FBXO34: variants seen among roughly 807,000 people sequenced by gnomAD.
FBXO34 encodes F-box only protein 34.
FBXO34 carries 12 observed loss-of-function variants against 24.5 expected under a neutral mutation model. That is an observed-to-expected ratio of 0.49 (90% confidence interval 0.31 to 0.79). The LOEUF (loss-of-function observed/expected upper bound fraction) is 0.79. Ranked by LOEUF, FBXO34 falls within the 30% of genes least tolerant of loss-of-function variation. The pLI, the probability that FBXO34 is intolerant of heterozygous loss-of-function variation, is 0.04. For missense variants in FBXO34, 823 were observed against 857.7 expected, an observed-to-expected ratio of 0.96 and a Z score of 0.51; for synonymous variants, 320 against 311.9, an observed-to-expected ratio of 1.03 and a Z score of -0.27.
At chr14:55,280,609 C>G in intron 1 of FBXO34, among the ~76,000 whole-genome samples, 1 of 148,170 alleles carries the variant, frequency 6.7e-6, no homozygotes, top group East Asian at 2.0e-4. Flanking sequence ...TCACTGCAAG[C>G]TCCGCCTCCC....
At position 55,351,444 on chromosome 14, in the gene FBXO34, C is replaced by T. The variant is rs74050979; in HGVS notation, c.1054C>T (p.Pro352Ser). Residue 352 changes from proline (P) to serine (S), a missense_variant, in exon 2 of 2, where the codon CCT (proline) becomes TCT (serine). Physicochemically the swap from Pro to Ser is moderately conservative, Grantham distance 74 (BLOSUM62 -1). This residue lies in a region of FBXO34 where 693 missense variants were observed against 659.1 expected (regional missense o/e 1.05). Transcript: ENST00000313833. ...PVGSVSVDCG[P>S]SRADRCSPKE... ...GGGGTCTGTATCTGTGGATTGTGGC[C>T]CTTCAAGAGCTGATCGTTGTTCTCC... The T allele has an allele frequency of 2.8e-3, 4,522 of 1,614,112 alleles. 126 individuals are homozygous for T. The African/African-American group carries it at 0.054, about 19-fold the overall frequency.
downstream of FBXO34, among the ~76,000 whole-genome samples, chr14:55,364,063 G>A (rs1884629550): frequency 6.6e-6 from 1 of 151,814 alleles, no homozygotes; most frequent in South Asian, 2.1e-4. Flanking sequence ...CGATTCTCCT[G>A]CCTCAGCCTC....
chr14:55,357,236 G>C (rs1384698620), downstream of FBXO34, among the ~76,000 whole-genome samples: 1 of 152,204 alleles, frequency 6.6e-6, no homozygotes, highest in African/African-American at 2.4e-5. Flanking sequence ...CCAGGTGGTT[G>C]GTTTGACCTT....
chr14:55,348,963 G>A (rs954475815), intron 1 of FBXO34, among the ~76,000 whole-genome samples: 2 of 152,130 alleles, frequency 1.3e-5, no homozygotes, highest in Admixed American at 1.3e-4. Flanking sequence ...GTGTTCAGCT[G>A]CTGTCCCAGT....
chr14:55,290,306 C>T (rs964571147), intron 1 of FBXO34, among the ~76,000 whole-genome samples: 8 of 151,706 alleles, frequency 5.3e-5, no homozygotes, highest in African/African-American at 9.7e-5. Context: ...GCAGGAGAAT[C>T]GTTTCAACCC....
intron 1 of FBXO34, among the ~76,000 whole-genome samples, chr14:55,313,715 A>C (rs1882828961): frequency 6.6e-6 from 1 of 152,180 alleles, no homozygotes; most frequent in African/African-American, 2.4e-5. Context: ...GAGCTACCAA[A>C]CACTTACAAA....
At chr14:55,343,110 A>T (rs1884044011) in intron 1 of FBXO34, among the ~76,000 whole-genome samples, 1 of 152,176 alleles carries the variant, frequency 6.6e-6, no homozygotes, top group South Asian at 2.1e-4. Context: ...CTGTCATAAG[A>T]TGGTCTCTGG....
At chr14:55,316,900 A>G (rs1300195718) in intron 1 of FBXO34, among the ~76,000 whole-genome samples, 1 of 152,082 alleles carries the variant, frequency 6.6e-6, no homozygotes, top group African/African-American at 2.4e-5. Flanking sequence ...CTTTTATGCT[A>G]GAGATGTCTA....
intron 1 of FBXO34, among the ~76,000 whole-genome samples, chr14:55,327,053 G>A (rs1367828745): frequency 1.3e-5 from 2 of 152,126 alleles, no homozygotes; most frequent in Non-Finnish European, 2.9e-5. Context: ...AGAATGTATA[G>A]CAAGGAAAAA....
At chr14:55,340,069 T>C (rs534262625) in intron 1 of FBXO34, among the ~76,000 whole-genome samples, 139 of 152,288 alleles carry the variant, frequency 9.1e-4, no homozygotes, top group African/African-American at 3.2e-3. Flanking sequence ...AAACTATTAT[T>C]TTTAGAGACC....
chr14:55,292,649 C>T (rs573354591), intron 1 of FBXO34, among the ~76,000 whole-genome samples: 2 of 152,098 alleles, frequency 1.3e-5, no homozygotes, highest in Admixed American at 1.3e-4. Context: ...CCACTGTGCT[C>T]GGCCTGTACT....
At chr14:55,436,725 G>A in the FBXO34 span, 2 of 1,614,218 alleles carry the variant, frequency 1.2e-6, no homozygotes, top group South Asian at 2.2e-5. Context: ...ACAAACTGCT[G>A]CTGTTTAAGC....
the FBXO34 span, among the ~76,000 whole-genome samples, chr14:55,401,909 C>T: frequency 2.6e-5 from 4 of 152,132 alleles, no homozygotes; most frequent in Non-Finnish European, 1.5e-5. Context: ...TGTAACTGCA[C>T]CAAGCATTTC....
At chr14:55,370,958 T>C (rs546873343), downstream of FBXO34, among the ~76,000 whole-genome samples, 95 of 152,114 alleles carry the variant, frequency 6.2e-4, no homozygotes, top group African/African-American at 2.2e-3. Flanking sequence ...TGCTTCTTTT[T>C]CCCCTCCCTT....
At chr14:55,375,881 A>C in the FBXO34 span, among the ~76,000 whole-genome samples, 1 of 152,230 alleles carries the variant, frequency 6.6e-6, no homozygotes, top group African/African-American at 2.4e-5. Flanking sequence ...TATGTAAGTA[A>C]CGTGCCATGA....
At chr14:55,318,632 T>A (rs981528339) in intron 1 of FBXO34, among the ~76,000 whole-genome samples, 1 of 151,456 alleles carries the variant, frequency 6.6e-6, no homozygotes, top group Non-Finnish European at 1.5e-5. Flanking sequence ...CACAAAGTTT[T>A]GGGATTATAA....
downstream of FBXO34, chr14:55,369,041 G>C (rs1479267256): frequency 1.5e-5 from 2 of 133,298 alleles, no homozygotes; most frequent in Non-Finnish European, 3.5e-5. Context: ...AACTACGACA[G>C]AGCAGCATGA....
At chr14:55,394,804 T>A in the FBXO34 span, 1 of 254,710 alleles carries the variant, frequency 3.9e-6, no homozygotes, top group Non-Finnish European at 7.7e-6. Flanking sequence ...TTAGTATGCC[T>A]GGTATTATAG....
At chr14:55,324,603 T>C (rs72717703) in intron 1 of FBXO34, among the ~76,000 whole-genome samples, 1,698 of 152,298 alleles carry the variant, frequency 0.011, 14 homozygotes, top group Middle Eastern at 0.027. Context: ...AGTTTGCAAG[T>C]AATGATAGAT....
Sources: allele counts gnomAD v4.1 joint callset (sites outside exome capture counted in the v4.1 genomes callset), GRCh38; gene constraint gnomAD v4.1.1; regional missense constraint gnomAD v4.1.1; transcripts MANE v1.5; gene names NCBI Gene and HGNC (gene_info 2026-07-23, HGNC 2026-07-21).